Variants in ALCAM observed in about 807,000 individuals in gnomAD.
ALCAM encodes activated leukocyte cell adhesion molecule.
A neutral mutation model predicts 70.9 loss-of-function variants in ALCAM; 30 were observed. That is an observed-to-expected ratio of 0.42 (90% CI 0.32 to 0.57). The LOEUF (loss-of-function observed/expected upper bound fraction) is 0.57, where lower values mean the gene tolerates loss of function less well. Among genes scored for constraint, ALCAM ranks in the 20% least tolerant of loss-of-function variants. The pLI, the probability that ALCAM is intolerant of heterozygous loss-of-function variation, is 0.11. For synonymous variants in ALCAM, 249 were observed against 242.5 expected (o/e 1.03, Z -0.25); for missense variants, 591 against 695.1 (o/e 0.85, Z 1.68).
chr3:105,417,767 A>G (rs1936541012), intron 1 of ALCAM, among the ~76,000 whole-genome samples: 1 of 151,808 alleles, frequency 6.6e-6, no homozygotes, highest in Non-Finnish European at 1.5e-5. Flanking sequence ...CCAAAGTAGT[A>G]GTATTAACAT....
intron 1 of ALCAM, among the ~76,000 whole-genome samples, chr3:105,460,508 A>G (rs1360034377): frequency 6.6e-6 from 1 of 152,028 alleles, no homozygotes; most frequent in Non-Finnish European, 1.5e-5. Context: ...TTCACTATTG[A>G]CTGTAAATTG....
chr3:105,520,887 A>G (rs1219517708), intron 2 of ALCAM, among the ~76,000 whole-genome samples: 3 of 152,216 alleles, frequency 2.0e-5, no homozygotes, highest in Non-Finnish European at 4.4e-5. Flanking sequence ...GAGACTCATG[A>G]CAGTCTGCAA....
chr3:105,395,110 T>A (rs372831590), intron 1 of ALCAM, among the ~76,000 whole-genome samples: 2 of 152,026 alleles, frequency 1.3e-5, no homozygotes, highest in Non-Finnish European at 2.9e-5. Flanking sequence ...AATCAACATG[T>A]ATGATTTGAC....
chr3:105,521,471 G>T (rs1010151922), intron 2 of ALCAM, among the ~76,000 whole-genome samples: 4 of 152,118 alleles, frequency 2.6e-5, no homozygotes, highest in African/African-American at 7.2e-5. Flanking sequence ...CAAACATTCT[G>T]CAGAACACAC....
chr3:105,528,488 A>C (rs1024919541), intron 3 of ALCAM, among the ~76,000 whole-genome samples: 1 of 152,182 alleles, frequency 6.6e-6, no homozygotes, highest in African/African-American at 2.4e-5. Flanking sequence ...TAAGGGCACT[A>C]TTTATGAAAT....
intron 6 of ALCAM, 119 bp downstream of exon 6, chr3:105,534,964 A>G: frequency 1.1e-6 from 1 of 907,506 alleles, no homozygotes; most frequent in Admixed American, 2.9e-5. Flanking sequence ...TCTGCACCCC[A>G]AATTGATGGC....
intron 1 of ALCAM, among the ~76,000 whole-genome samples, chr3:105,439,763 T>A (rs1490687333): frequency 1.3e-5 from 2 of 152,164 alleles, no homozygotes; most frequent in African/African-American, 4.8e-5. Flanking sequence ...GGGAGTTAAC[T>A]TCTGTGGCCT....
At chr3:105,410,184 G>A (rs1458559318) in intron 1 of ALCAM, among the ~76,000 whole-genome samples, 1 of 151,968 alleles carries the variant, frequency 6.6e-6, no homozygotes, top group Non-Finnish European at 1.5e-5. Context: ...TTTTGATGCT[G>A]TAACAGAACC....
At chr3:105,491,280 T>C (rs1390190292) in intron 1 of ALCAM, among the ~76,000 whole-genome samples, 13 of 152,236 alleles carry the variant, frequency 8.5e-5, no homozygotes, top group Admixed American at 1.3e-4. Context: ...AACCATTTTT[T>C]CCTCCTAGGT....
intron 1 of ALCAM, among the ~76,000 whole-genome samples, chr3:105,486,205 C>T (rs1938423767): frequency 6.6e-6 from 1 of 152,076 alleles, no homozygotes; most frequent in South Asian, 2.1e-4. Context: ...AGTGATAGTC[C>T]TACTGGGAGA....
intron 1 of ALCAM, among the ~76,000 whole-genome samples, chr3:105,458,385 G>C (rs916457607): frequency 6.6e-6 from 1 of 152,148 alleles, no homozygotes; most frequent in African/African-American, 2.4e-5. Context: ...ACGCAGGCAT[G>C]CACCTGTACC....
intron 1 of ALCAM, among the ~76,000 whole-genome samples, chr3:105,418,615 T>A (rs912318113): frequency 2.0e-5 from 3 of 151,840 alleles, no homozygotes; most frequent in African/African-American, 7.2e-5. Flanking sequence ...TTGGTGTGTG[T>A]CATTTTGTAT....
At chr3:105,533,508 C>CTGAATT in intron 4 of ALCAM, 95 bp from the exon 5 acceptor site, 1 of 1,000,130 alleles carries the variant, frequency 1.0e-6, no homozygotes, top group Non-Finnish European at 1.5e-6. Flanking sequence ...TCAAGAAACC[C>CTGAATT]TTGGAATAAC....
intron 3 of ALCAM, chr3:105,531,197 T>A (rs1219549030): frequency 6.6e-6 from 1 of 152,084 alleles, no homozygotes; most frequent in East Asian, 1.9e-4. Context: ...ATAAAATAAC[T>A]TAAAATCAGT....
At position 105,550,139 on chromosome 3, in the gene ALCAM, C is replaced by T. The variant is rs1217807803; in HGVS notation, c.1387C>T (p.Pro463Ser). 6.3e-7 allele frequency: 1 copy of T among 1,591,200 alleles called. No homozygotes were observed. The highest frequency in any genetic ancestry group is 1.4e-5 in the African/African-American group (1 of 73,868). ...CTTCTTTTTCCAGACAGAGGAATCTCCTTATATTAATGGCAGGTATTATAG... is the reference window on the plus strand; with the variant it reads ...CTTCTTTTTCCAGACAGAGGAATCTTCTTATATTAATGGCAGGTATTATAG... ...GSVINQTEES[P>S]YINGRYYSKI... Residue 463 changes from proline (P) to serine (S), a missense_variant, in exon 12 of 16, where the codon CCT becomes TCT. This residue lies in a region of ALCAM where 164 missense variants were observed against 244.7 expected (regional missense o/e 0.67). Transcript: ENST00000306107.
chr3:105,368,223 A>AAGAGGGAGAGAGAGAGAGAG (rs1935122581), intron 1 of ALCAM, among the ~76,000 whole-genome samples: 1 of 67,788 alleles, frequency 1.5e-5, no homozygotes, highest in South Asian at 7.3e-4. Context: ...TGAGTCTTGG[A>AAGAGGGAGAGAGAGAGAGAG]AGAGAGAGAG....
intron 8 of ALCAM, 24 bp downstream of exon 8, chr3:105,541,789 G>C: frequency 6.2e-7 from 1 of 1,610,470 alleles, no homozygotes; most frequent in Non-Finnish European, 8.5e-7. Flanking sequence ...TTCTTCATCA[G>C]CAGCTTCACC....
chr3:105,552,643 A>G (rs932548936), intron 14 of ALCAM, 58 bp downstream of exon 14: 11 of 1,608,606 alleles, frequency 6.8e-6, no homozygotes, highest in Middle Eastern at 1.7e-4. Context: ...AGAAAATACA[A>G]TGTGCTAATT....
chr3:105,459,027 A>G (rs1937569474), intron 1 of ALCAM, among the ~76,000 whole-genome samples: 1 of 152,160 alleles, frequency 6.6e-6, no homozygotes, highest in Non-Finnish European at 1.5e-5. Flanking sequence ...GTTATGTGTC[A>G]TGCATTGTGT....
Sources: allele counts gnomAD v4.1 joint callset (sites outside exome capture counted in the v4.1 genomes callset), GRCh38; gene constraint gnomAD v4.1.1; regional missense constraint gnomAD v4.1.1; transcripts MANE v1.5; gene names NCBI Gene and HGNC (gene_info 2026-07-23, HGNC 2026-07-21).